The following METTL9 variants were observed in gnomAD, a reference collection of about 807,000 sequenced individuals.
The protein encoded by METTL9 is methyltransferase 9, His-X-His N1(pi)-histidine, also known as protein-L-histidine N-pros-methyltransferase.
METTL9 carries 10 observed loss-of-function variants against 36.0 expected under a neutral mutation model. That is an observed-to-expected ratio of 0.28 (90% CI 0.17 to 0.47). METTL9 has a LOEUF of 0.47. Ranked by LOEUF, METTL9 falls within the 20% of genes least tolerant of loss-of-function variation. The probability of loss-of-function intolerance (pLI) is 0.99; values close to 1 mark genes in which losing one functional copy is unlikely to be tolerated. For missense variants in METTL9, 246 were observed against 383.5 expected, an observed-to-expected ratio of 0.64 and a Z score of 3.00; for synonymous variants, 175 against 149.7, an observed-to-expected ratio of 1.17 and a Z score of -1.23.
intron 2 of METTL9, among the ~76,000 whole-genome samples, chr16:21,616,180 G>A (rs909558407): frequency 3.3e-5 from 5 of 152,146 alleles, no homozygotes; most frequent in African/African-American, 9.7e-5. Context: ...TTTCCAGAGA[G>A]CAGCAGTACA....
chr16:21,635,893 G>C (rs1409773873), intron 4 of METTL9, among the ~76,000 whole-genome samples: 2 of 152,154 alleles, frequency 1.3e-5, no homozygotes, highest in African/African-American at 4.8e-5. Context: ...TTTCCTCCCA[G>C]ACCACAAGGA....
At chr16:21,597,326 C>T (rs772218214), upstream of METTL9, 53 of 1,280,282 alleles carry the variant, frequency 4.1e-5, no homozygotes, top group Non-Finnish European at 7.1e-6. Context: ...TACTCTGCTA[C>T]CTTCAGGCAA....
chr16:21,613,718 T>C (rs1394242131), intron 2 of METTL9, among the ~76,000 whole-genome samples: 1 of 152,214 alleles, frequency 6.6e-6, no homozygotes, highest in Non-Finnish European at 1.5e-5. Context: ...GTCCTGCATC[T>C]GTTCTTAAAT....
At position 21,614,463 on chromosome 16, in the gene METTL9, G is replaced by A. The variant is rs547891295; in HGVS notation, c.356+1628G>A. 2.4e-4 allele frequency among the ~76,000 whole-genome samples: 37 copies of A among 152,242 alleles called. 1 individual carries two copies. Among genetic ancestry groups the A allele is most frequent in the African/African-American group, 8.9e-4 (37 of 41,530 alleles). ...TAGAATTTCACAGTTTGATCAAAGAGGCAATGCAGTTAATAAACCCCTTTT... is the reference window on the plus strand; with the variant it reads ...TAGAATTTCACAGTTTGATCAAAGAAGCAATGCAGTTAATAAACCCCTTTT... On this transcript the variant is annotated intron_variant, in intron 2 of 4. Coordinates refer to ENST00000358154, the MANE Select transcript of METTL9 (RefSeq NM_016025.5).
chr16:21,624,989 CT>C lies in METTL9; in HGVS notation c.626del (p.Leu209ArgfsTer11). On this transcript the variant is annotated frameshift_variant, in exon 4 of 5. Coordinates refer to ENST00000358154, the MANE Select transcript of METTL9 (RefSeq NM_016025.5). LOFTEE classifies it high-confidence loss of function. ...GTTCCAGTATGATGTCATCAGCTGC[CT>C]GAACTTGCTGGACCGCTGTGATCAG... ...TGFQYDVISC[L>X]NLLDRCDQPL... is the part of the protein sequence containing the mutation. The C allele has an allele frequency of 6.2e-7, 1 of 1,614,130 alleles. No individual in the cohort carries two copies. Among genetic ancestry groups the C allele is most frequent in the Non-Finnish European group, 8.5e-7 (1 of 1,180,022 alleles).
At chr16:21,618,969 A>G (rs1369751189) in intron 3 of METTL9, among the ~76,000 whole-genome samples, 1 of 152,080 alleles carries the variant, frequency 6.6e-6, no homozygotes, top group Non-Finnish European at 1.5e-5. Context: ...AAGTGCTGGG[A>G]TTACAGGTGT....
chr16:21,610,657 C>G (rs781708130), intron 1 of METTL9, among the ~76,000 whole-genome samples: 14 of 152,176 alleles, frequency 9.2e-5, no homozygotes, highest in Non-Finnish European at 1.5e-4. Flanking sequence ...GAGTTTTCCT[C>G]TTGGTGCTTG....
intron 4 of METTL9, among the ~76,000 whole-genome samples, chr16:21,644,126 T>G (rs1337878549): frequency 1.3e-5 from 2 of 152,198 alleles, no homozygotes; most frequent in African/African-American, 4.8e-5. Flanking sequence ...TGATGCCTTC[T>G]TCCAAAGACC....
intron 4 of METTL9, chr16:21,643,293 T>A: frequency 1.5e-6 from 1 of 670,356 alleles, no homozygotes; most frequent in Admixed American, 2.7e-5. Context: ...TGCCTACAGT[T>A]AACTCTTTTG....
At chr16:21,623,336 C>T (rs1448795517) in intron 3 of METTL9, among the ~76,000 whole-genome samples, 1 of 152,160 alleles carries the variant, frequency 6.6e-6, no homozygotes, top group Non-Finnish European at 1.5e-5. Flanking sequence ...TTCTGCTATT[C>T]AGAAATGCTC....
intron 2 of METTL9, among the ~76,000 whole-genome samples, chr16:21,613,168 CTTTTTTTTTTTTTTT>C (rs57388340): frequency 0.012 from 1,088 of 91,412 alleles, 52 homozygotes; most frequent in African/African-American, 0.042. Context: ...TGAGAGTCTG[CTTTTTTTTTTTTTTT>C]TTTTTTTTTT....
Position 21,655,207 on chromosome 16 carries a change from A to T in METTL9, c.752-20A>T. The T allele has an allele frequency of 6.2e-7, 1 of 1,602,572 alleles. No homozygotes were observed. The highest frequency in any genetic ancestry group is 8.5e-7 in the Non-Finnish European group (1 of 1,170,426). ...ACTTGTTTGTTCAAGAATTTAACTG[A>T]ATGTTCTTATTTGTATTAGTAGGTG... On this transcript the variant is annotated intron_variant, in intron 4 of 4. Transcript: ENST00000358154.
chr16:21,622,289 A>G (rs1965724587), intron 3 of METTL9, among the ~76,000 whole-genome samples: 1 of 151,046 alleles, frequency 6.6e-6, no homozygotes, highest in African/African-American at 2.4e-5. Flanking sequence ...AGCTAGGACT[A>G]CAGGTGTGTG....
At chr16:21,652,111 G>A (rs1221137777) in intron 4 of METTL9, 1 of 152,780 alleles carries the variant, frequency 6.5e-6, no homozygotes, top group African/African-American at 2.4e-5. Context: ...CTATGGGATG[G>A]CTATTGGAGT....
intron 4 of METTL9, chr16:21,652,685 G>C: frequency 1.0e-6 from 1 of 992,190 alleles, no homozygotes; most frequent in Non-Finnish European, 1.5e-6. Context: ...GCTGAAGAGA[G>C]GAACCTCTTA....
At chr16:21,618,207 A>G (rs1965600900) in intron 3 of METTL9, 133 bp downstream of exon 3, 1 of 760,918 alleles carries the variant, frequency 1.3e-6, no homozygotes, top group Non-Finnish European at 2.0e-6. Flanking sequence ...AATGTAGAGA[A>G]ATAATCTTCT....
At chr16:21,628,096 TATAA>T (rs1349508053) in intron 4 of METTL9, among the ~76,000 whole-genome samples, 1 of 152,246 alleles carries the variant, frequency 6.6e-6, no homozygotes, top group Admixed American at 6.5e-5. Flanking sequence ...AGTTCCCAAT[TATAA>T]ATAACTTCTG....
chr16:21,647,280 C>G (rs1250550538), intron 4 of METTL9: 2 of 1,614,194 alleles, frequency 1.2e-6, no homozygotes, highest in East Asian at 4.5e-5. Context: ...TTGAGGGCCT[C>G]CCTCACTGTG....
chr16:21,599,712 G>T lies in METTL9; in HGVS notation c.-22G>T. ...CTCGCCCCGGCGCCGGCGGTGATCC[G>T]AGCGAGCGGCCGCGGCCCCCGATGA... On this transcript the variant is annotated 5_prime_UTR_variant, in exon 1 of 5. Coordinates refer to ENST00000358154, the MANE Select transcript of METTL9 (RefSeq NM_016025.5). The surrounding 1 kb of genome is among the most constrained non-coding windows in gnomAD (Gnocchi z 4.4). The T allele has an allele frequency of 6.8e-7, 1 of 1,476,712 alleles. No individual in the cohort carries two copies. The allele number at this position is 1,476,712 out of a possible 1,614,324, so 91.5% of individuals were successfully genotyped here.
Sources: gnomAD v4.1 joint callset for allele counts (sites outside exome capture counted in the v4.1 genomes callset) on GRCh38, gnomAD v4.1.1 for gene constraint, Gnocchi (gnomAD v3.1) non-coding constraint, MANE v1.5 for transcripts, NCBI Gene and HGNC (gene_info 2026-07-23, HGNC 2026-07-21) for gene names.